Variants in NAV3 observed in about 807,000 individuals in gnomAD.
NAV3 encodes the protein neuron navigator 3, also known as pore membrane and/or filament interacting like protein 1.
Under a neutral mutation model 244.7 loss-of-function variants are expected in NAV3, and 87 were observed. The ratio of observed to expected loss-of-function variants is 0.36; its 90% CI spans 0.30 to 0.42. The LOEUF (loss-of-function observed/expected upper bound fraction) is 0.42. Among genes scored for constraint, NAV3 ranks in the 20% least tolerant of loss-of-function variants. The probability of loss-of-function intolerance (pLI) is 1.00; values close to 1 mark genes in which losing one functional copy is unlikely to be tolerated. For missense variants in NAV3, 2,663 were observed against 2,893.3 expected (o/e 0.92, Z 1.83); for synonymous variants, 1,126 against 1,042.2 (o/e 1.08, Z -1.55).
chr12:78,050,919 A>C lies in NAV3; in HGVS notation c.2288A>C (p.Tyr763Ser), dbSNP rs1423543829. Reference protein sequence around the residue: ...AGDAPSLGAGYPRSGTSRFIH... With the variant: ...AGDAPSLGAGSPRSGTSRFIH... ...GATGCTCCCTCCCTGGGTGCTGGCT[A>C]TCCTCGCAGTGGTACCAGTCGATTC... The change falls in exon 11 of 40, where the codon TAT (tyrosine) becomes TCT (serine). Residue 763 changes from tyrosine to serine, a missense_variant. Physicochemically the swap from Tyr to Ser is moderately radical, Grantham distance 144. Coordinates refer to ENST00000397909, the MANE Select transcript of NAV3 (RefSeq NM_001024383.2). The C allele has an allele frequency of 6.2e-7, 1 of 1,614,008 alleles. No individual in the cohort carries two copies. Among genetic ancestry groups the C allele is most frequent in the East Asian group, 2.2e-5 (1 of 44,824 alleles).
At chr12:78,016,917 C>T (rs2127204) in intron 8 of NAV3, among the ~76,000 whole-genome samples, 6 of 151,948 alleles carry the variant, frequency 3.9e-5, no homozygotes, top group Non-Finnish European at 7.4e-5. Flanking sequence ...ATTTAACGAC[C>T]GAGTGACTGA....
At chr12:78,006,283 G>C in intron 7 of NAV3, 136 bp from the exon 8 acceptor site, 1 of 798,476 alleles carries the variant, frequency 1.3e-6, no homozygotes. Context: ...TCAGAGAAGT[G>C]ATTGATGCTG....
chr12:77,981,775 T>C (rs895135454), intron 5 of NAV3, among the ~76,000 whole-genome samples: 1 of 152,120 alleles, frequency 6.6e-6, no homozygotes, highest in Non-Finnish European at 1.5e-5. Flanking sequence ...CTGAGTTTTG[T>C]TTCTTTATAT....
chr12:77,860,130 T>C (rs1245329228), intron 1 of NAV3, among the ~76,000 whole-genome samples: 1 of 151,802 alleles, frequency 6.6e-6, no homozygotes, highest in African/African-American at 2.4e-5. Flanking sequence ...GCCAAACGCG[T>C]AAAATATATA....
At chr12:78,123,445 A>C (rs950257101) in intron 16 of NAV3, among the ~76,000 whole-genome samples, 1 of 152,058 alleles carries the variant, frequency 6.6e-6, no homozygotes, top group Admixed American at 6.5e-5. Flanking sequence ...ACATCAATTA[A>C]AGCCCTTAGC....
At chr12:78,171,500 A>C (rs1017485106) in intron 24 of NAV3, among the ~76,000 whole-genome samples, 2 of 151,670 alleles carry the variant, frequency 1.3e-5, no homozygotes, top group African/African-American at 2.4e-5. Flanking sequence ...ATTGATCAAG[A>C]AATATGAAAA....
intron 13 of NAV3, 108 bp from the exon 14 acceptor site, chr12:78,117,919 A>G: frequency 4.5e-6 from 5 of 1,111,482 alleles, no homozygotes; most frequent in Non-Finnish European, 6.1e-6. Flanking sequence ...GTAAATCAAA[A>G]TAGAATCTTT....
intron 17 of NAV3, 81 bp downstream of exon 17, chr12:78,127,289 G>A (rs2138814831): frequency 7.3e-7 from 1 of 1,367,868 alleles, no homozygotes; most frequent in Non-Finnish European, 1.0e-6. Context: ...TTCTTTGTTT[G>A]TTTGCAATGT....
chr12:77,980,447 T>C (rs1242278), intron 5 of NAV3, among the ~76,000 whole-genome samples: 150,960 of 152,322 alleles, frequency 0.99, 74,817 homozygotes, highest in Middle Eastern at 1. Flanking sequence ...TTTTCCTGAA[T>C]ATATGTATTA....
intron 2 of NAV3, among the ~76,000 whole-genome samples, chr12:77,681,958 C>G (rs1414694947): frequency 2.0e-5 from 3 of 152,154 alleles, no homozygotes; most frequent in Admixed American, 2.0e-4. Context: ...TTTACACATG[C>G]ATTATCTTGC....
chr12:77,682,105 T>C (rs1328880222), intron 2 of NAV3, among the ~76,000 whole-genome samples: 2 of 152,066 alleles, frequency 1.3e-5, no homozygotes, highest in Non-Finnish European at 2.9e-5. Flanking sequence ...AATTTTGTGT[T>C]CTTTGACCAA....
Position 78,185,687 on chromosome 12 carries a change from G to A in NAV3, c.5779G>A (p.Gly1927Ser), listed in dbSNP as rs2139806022. ...TATAGTCTCCATAAGCAAGGGCTATGGTCGAGCAAAGGTACTTCTTTAATC... is the reference window on the plus strand; with the variant it reads ...TATAGTCTCCATAAGCAAGGGCTATAGTCGAGCAAAGGTACTTCTTTAATC... ...KIIVSISKGYGRAKDQKSQAY... is the reference protein window; with the variant it reads ...KIIVSISKGYSRAKDQKSQAY... Residue 1927 changes from glycine to serine, a missense_variant, in exon 31 of 40, where the codon GGT (glycine) becomes AGT (serine). Around this residue, in one of 6 missense-constraint regions of NAV3, gnomAD observed 543 missense variants for 672.4 expected, o/e 0.81. Coordinates refer to ENST00000397909, the MANE Select transcript of NAV3 (RefSeq NM_001024383.2). 13 of 1,607,606 alleles carry A rather than the reference G, an allele frequency of 8.1e-6. No homozygotes were observed. Among genetic ancestry groups the A allele is most frequent in the Non-Finnish European group, 1.0e-5 (12 of 1,176,882 alleles).
At chr12:77,687,077 T>C (rs539437011) in intron 2 of NAV3, among the ~76,000 whole-genome samples, 3 of 152,258 alleles carry the variant, frequency 2.0e-5, no homozygotes, top group Admixed American at 2.0e-4. Context: ...ACCATATGCA[T>C]ATTTCTCCCT....
At chr12:77,964,798 T>TG (rs1294915777) in intron 3 of NAV3, among the ~76,000 whole-genome samples, 2 of 149,198 alleles carry the variant, frequency 1.3e-5, no homozygotes, top group Admixed American at 1.3e-4. Context: ...TTAATTAATA[T>TG]AAATTTTTTT....
chr12:77,994,326 C>T (rs1051746351), intron 5 of NAV3, among the ~76,000 whole-genome samples: 6 of 152,106 alleles, frequency 3.9e-5, no homozygotes, highest in Admixed American at 1.3e-4. Context: ...ATTTGGCTTT[C>T]GAAATAATAT....
At chr12:78,148,480 A>G (rs1409789814) in intron 21 of NAV3, among the ~76,000 whole-genome samples, 2 of 152,154 alleles carry the variant, frequency 1.3e-5, no homozygotes, top group Admixed American at 1.3e-4. Flanking sequence ...ATATGTGTGT[A>G]TATACAGTTT....
chr12:78,028,876 C>T (rs559072117), intron 9 of NAV3, among the ~76,000 whole-genome samples: 167 of 152,212 alleles, frequency 1.1e-3, no homozygotes, highest in African/African-American at 3.9e-3. Flanking sequence ...GTTAATTTAG[C>T]CCAGTGACGA....
At chr12:78,017,791 A>G (rs1876477199) in intron 8 of NAV3, among the ~76,000 whole-genome samples, 1 of 152,192 alleles carries the variant, frequency 6.6e-6, no homozygotes, top group South Asian at 2.1e-4. Flanking sequence ...CAAATCATGC[A>G]TAAAAATAGA....
chr12:77,876,958 T>C (rs142862732), intron 1 of NAV3, among the ~76,000 whole-genome samples: 1 of 152,226 alleles, frequency 6.6e-6, no homozygotes, highest in African/African-American at 2.4e-5. Flanking sequence ...GTGCTGTTAA[T>C]TACAGTACTT....
Sources: allele counts gnomAD v4.1 joint callset (sites outside exome capture counted in the v4.1 genomes callset), GRCh38; gene constraint gnomAD v4.1.1; regional missense constraint gnomAD v4.1.1; transcripts MANE v1.5; gene names NCBI Gene and HGNC (gene_info 2026-07-23, HGNC 2026-07-21).